Variants in TNC observed in about 807,000 individuals in gnomAD.
The protein encoded by TNC is tenascin C.
Under a neutral mutation model 202.4 loss-of-function variants are expected in TNC, and 109 were observed. The ratio of observed to expected loss-of-function variants is 0.54; its 90% CI spans 0.46 to 0.63. TNC has a LOEUF of 0.63. TNC is among the 30% of genes least tolerant of loss of function. The probability of loss-of-function intolerance (pLI) is 0.00; values close to 1 mark genes in which losing one functional copy is unlikely to be tolerated. For missense variants in TNC, 2,756 were observed against 2,833.3 expected, an observed-to-expected ratio of 0.97 and a Z score of 0.62; for synonymous variants, 1,007 against 1,089.7, an observed-to-expected ratio of 0.92 and a Z score of 1.50.
intron 21 of TNC, chr9:115,035,827 A>G: frequency 2.4e-6 from 1 of 418,246 alleles, no homozygotes; most frequent in South Asian, 6.0e-5. Flanking sequence ...GTTTAGGGCC[A>G]GTGGGAACTG....
At position 115,064,017 on chromosome 9, in the gene TNC, G is replaced by C. The variant is rs751069078; in HGVS notation, c.3539C>G (p.Ala1180Gly). Residue 1180 changes from alanine to glycine, a missense_variant, in exon 12 of 28, where the codon GCC becomes GGC. Ala to Gly is a moderately conservative substitution (Grantham distance 60, BLOSUM62 0). Around this residue, in one of 2 missense-constraint regions of TNC, gnomAD observed 2,559 missense variants for 2,546.0 expected, o/e 1.01. Transcript: ENST00000350763. The part of the protein sequence containing the change: ...EVVVAEVGWD[A>G]LKLNWTAPEG... Reference sequence around the variant, plus strand: ...TGGAGCAGTCCAGTTGAGTTTGAGGGCATCCCAGCCCACCTCGGCCACCAC... The same window carrying C: ...TGGAGCAGTCCAGTTGAGTTTGAGGCCATCCCAGCCCACCTCGGCCACCAC... The C allele has an allele frequency of 1.2e-6, 2 of 1,612,910 alleles. No homozygotes were observed. Among genetic ancestry groups the C allele is most frequent in the Non-Finnish European group, 1.7e-6 (2 of 1,179,354 alleles).
chr9:115,023,954 G>GC lies in TNC; in HGVS notation c.6495+18dup, dbSNP rs1231769220. On this transcript the variant is annotated intron_variant, in intron 27 of 27. Transcript: ENST00000350763. ...GCTTCCCAAGCTTGGCCTGCTCTGGGCCCTCACGGTCCACTCACCTGACTG... is the reference window on the plus strand; with the variant it reads ...GCTTCCCAAGCTTGGCCTGCTCTGGGCCCCTCACGGTCCACTCACCTGACTG... 4 of 1,609,806 alleles carry GC rather than the reference G, an allele frequency of 2.5e-6. No individual in the cohort carries two copies. The highest frequency in any genetic ancestry group is 1.1e-5 in the South Asian group (1 of 90,864).
chr9:115,090,370 G>A (rs556783251), intron 2 of TNC, among the ~76,000 whole-genome samples, 192 bp downstream of exon 2: 2 of 152,288 alleles, frequency 1.3e-5, no homozygotes, highest in East Asian at 1.9e-4. Context: ...AGTTGTCGCC[G>A]TGACTCCTCC....
chr9:115,084,494 A>T, intron 3 of TNC, 22 bp from the exon 4 acceptor site: 1 of 1,610,986 alleles, frequency 6.2e-7, no homozygotes, highest in South Asian at 1.1e-5. Context: ...AAGAAAGGAC[A>T]TCTGGTGTCA....
chr9:115,102,606 G>T (rs1157666179), intron 1 of TNC, among the ~76,000 whole-genome samples: 1 of 152,100 alleles, frequency 6.6e-6, no homozygotes, highest in East Asian at 1.9e-4. Flanking sequence ...GAATTGATAT[G>T]ATATTATTTG....
intron 1 of TNC, among the ~76,000 whole-genome samples, chr9:115,109,647 C>A: frequency 6.6e-6 from 1 of 152,218 alleles, no homozygotes. Context: ...AGACAGGACT[C>A]CTCTGTCCTT....
At position 115,035,123 on chromosome 9, in the gene TNC, G is replaced by A. The variant is rs573544771; in HGVS notation, c.5787+81C>T. On this transcript the variant is annotated intron_variant, in intron 22 of 27. Coordinates refer to ENST00000350763, the MANE Select transcript of TNC (RefSeq NM_002160.4). ...CCAGATGCACTGGGGTAGAAAAACA[G>A]CATCAGGTAATTCTTCCATACTTTG... The A allele has an allele frequency of 6.2e-6, 9 of 1,454,320 alleles. No individual in the cohort carries two copies. The African/African-American group carries it at 1.0e-4, about 16-fold the overall frequency. 90.1% of individuals were successfully genotyped at this position (1,454,320 alleles called of 1,614,324 possible). A position where few individuals can be genotyped will look rare whatever the true frequency, so the allele number is the denominator to read the frequency against.
chr9:115,084,168 G>A (rs1162358549), intron 4 of TNC, 41 bp downstream of exon 4: 2 of 1,596,414 alleles, frequency 1.3e-6, no homozygotes, highest in Admixed American at 3.4e-5. Context: ...TGGGTGGGCT[G>A]ACATCAGGTG....
chr9:115,065,259 GT>G (rs1290668748), intron 10 of TNC, among the ~76,000 whole-genome samples: 3 of 152,100 alleles, frequency 2.0e-5, no homozygotes, highest in African/African-American at 7.2e-5. Context: ...AGCCAGGCGT[GT>G]TGGTGGGCAC....
In TNC at chr9:115,041,055, T is replaced by A. The variant is rs1830696353; in HGVS notation, c.5278A>T (p.Thr1760Ser). The A allele has an allele frequency of 6.2e-7, 1 of 1,614,040 alleles. No individual in the cohort carries two copies. Among genetic ancestry groups the A allele is most frequent in the Admixed American group, 1.7e-5 (1 of 60,002 alleles). The change falls in exon 19 of 28, where the codon ACC becomes TCC. Residue 1760 changes from threonine (T) to serine (S), a missense_variant. Around this residue, in one of 2 missense-constraint regions of TNC, gnomAD observed 2,559 missense variants for 2,546.0 expected, o/e 1.01. Transcript: ENST00000350763. ...GTPSMVTVDG[T>S]KTQTRLVKLI... The stretch of plus-strand genomic sequence containing the variant: ...TTCACCAGCCTGGTCTGAGTCTTGG[T>A]TCCGTCCACAGTTACCATGGAGGGT...
intron 4 of TNC, 60 bp downstream of exon 4, chr9:115,084,149 G>A: frequency 6.3e-7 from 1 of 1,575,326 alleles, no homozygotes; most frequent in Non-Finnish European, 8.6e-7. Flanking sequence ...GCGAGGGAGG[G>A]TTATACACTG....
intron 22 of TNC, 37 bp downstream of exon 22, chr9:115,035,167 C>A (rs753524070): frequency 2.6e-6 from 4 of 1,551,776 alleles, no homozygotes; most frequent in Non-Finnish European, 3.5e-6. Context: ...GCAAATGCTT[C>A]AACTAGCATT....
chr9:115,060,799 G>A (rs896876350), intron 13 of TNC, among the ~76,000 whole-genome samples: 6 of 152,158 alleles, frequency 3.9e-5, no homozygotes, highest in Admixed American at 3.3e-4. Flanking sequence ...TGTGTACTGG[G>A]TTCTCAGCTT....
rs1835164070 is a variant in TNC at position 115,090,788 on chromosome 9, C to G, written c.231G>C (p.Leu77=). 4 of 1,614,210 alleles carry G rather than the reference C, an allele frequency of 2.5e-6. No homozygotes were observed. The highest frequency in any genetic ancestry group is 2.7e-5 in the African/African-American group (2 of 75,032). ...TTTCGCTGGGCTCTGAAGGCGGTGC[C>G]AGGTCTTTCTCCCCACTGGCTGACT... ...DLESASGEKD[L]APPSEPSESF... Residue 77 remains leucine, a synonymous_variant, in exon 2 of 28, where the codon CTG becomes CTC. Coordinates refer to ENST00000350763, the MANE Select transcript of TNC (RefSeq NM_002160.4).
At chr9:115,036,716 C>T (rs1359739488) in intron 20 of TNC, among the ~76,000 whole-genome samples, 1 of 152,208 alleles carries the variant, frequency 6.6e-6, no homozygotes, top group Non-Finnish European at 1.5e-5. Context: ...GCAGTAGCTG[C>T]ACCAGAGCCT....
intron 14 of TNC, among the ~76,000 whole-genome samples, chr9:115,059,135 T>A (rs1318389133): frequency 6.6e-6 from 1 of 152,224 alleles, no homozygotes; most frequent in East Asian, 1.9e-4. Flanking sequence ...TTTTTTTTCC[T>A]TCTGGTCTAG....
intron 1 of TNC, among the ~76,000 whole-genome samples, chr9:115,103,552 G>T (rs960306279): frequency 1.3e-5 from 2 of 152,154 alleles, no homozygotes; most frequent in Non-Finnish European, 2.9e-5. Context: ...GACCAACAGG[G>T]TCATTGTGTG....
In TNC at chr9:115,078,155, A is replaced by G; in HGVS notation, c.2462T>C (p.Ile821Thr). The stretch of plus-strand genomic sequence containing the variant: ...CTCAGCCAGGGGCTTGAACCAGGTG[A>G]TCAAGGCAGTGGTGTCTGTGACATC... ...VKDVTDTTAL[I>T]TWFKPLAEID... is the part of the protein sequence containing the mutation. The change falls in exon 7 of 28, where the codon ATC becomes ACC. Residue 821 changes from isoleucine (I) to threonine (T), a missense_variant. Ile to Thr is a moderately conservative substitution (Grantham distance 89). This residue lies in a region of TNC where 2,559 missense variants were observed against 2,546.0 expected (regional missense o/e 1.01). Transcript: ENST00000350763. 2 of 1,613,934 alleles carry G rather than the reference A, an allele frequency of 1.2e-6. No individual in the cohort carries two copies. Among genetic ancestry groups the G allele is most frequent in the Non-Finnish European group, 1.7e-6 (2 of 1,179,848 alleles).
chr9:115,031,012 C>T (rs1829906073), intron 23 of TNC, among the ~76,000 whole-genome samples: 1 of 152,158 alleles, frequency 6.6e-6, no homozygotes, highest in South Asian at 2.1e-4. Context: ...TGTCTGCTTC[C>T]CCACTAGAAC....
Sources: gnomAD v4.1 joint callset for allele counts (sites outside exome capture counted in the v4.1 genomes callset) on GRCh38, gnomAD v4.1.1 for gene constraint, gnomAD v4.1.1 regional missense constraint, MANE v1.5 for transcripts, NCBI Gene and HGNC (gene_info 2026-07-23, HGNC 2026-07-21) for gene names.